CWH43: variants seen among roughly 807,000 people sequenced by gnomAD.
CWH43 encodes the protein cell wall biogenesis 43 C-terminal homolog, also known as PGAP2-interacting protein.
A neutral mutation model predicts 85.7 loss-of-function variants in CWH43; 91 were observed. The ratio of observed to expected loss-of-function variants is 1.06; its 90% CI spans 0.90 to 1.26. CWH43 has a LOEUF of 1.26. CWH43 is among the 50% of genes most tolerant of loss of function. The pLI is 0.00. For synonymous variants in CWH43, 323 were observed against 293.6 expected, an observed-to-expected ratio of 1.10 and a Z score of -1.02; for missense variants, 869 against 839.2, an observed-to-expected ratio of 1.04 and a Z score of -0.44.
At chr4:49,007,068 T>C in intron 7 of CWH43, 133 bp from the exon 8 acceptor site, 1 of 1,021,894 alleles carries the variant, frequency 9.8e-7, no homozygotes, top group Non-Finnish European at 1.3e-6. Context: ...ATTGTTTAGG[T>C]TCTGAGATAA....
chr4:49,058,292 A>G (rs570530106), intron 15 of CWH43, among the ~76,000 whole-genome samples: 2 of 152,230 alleles, frequency 1.3e-5, no homozygotes, highest in South Asian at 2.1e-4. Flanking sequence ...TATGAGTCTT[A>G]CATAAAACAT....
At chr4:48,986,935 C>A in intron 1 of CWH43, 2 of 482,750 alleles carry the variant, frequency 4.1e-6, no homozygotes, top group Non-Finnish European at 5.4e-6. Context: ...GTGGGCTGGG[C>A]CCAGGACAAG....
At chr4:49,040,410 G>T (rs1409134751) in intron 13 of CWH43, among the ~76,000 whole-genome samples, 1 of 152,126 alleles carries the variant, frequency 6.6e-6, no homozygotes, top group Non-Finnish European at 1.5e-5. Flanking sequence ...AGCACCTGTC[G>T]TTTCCTGACT....
At chr4:49,036,021 A>T (rs184772150) in intron 12 of CWH43, among the ~76,000 whole-genome samples, 55 of 152,304 alleles carry the variant, frequency 3.6e-4, no homozygotes, top group African/African-American at 1.3e-3. Context: ...GACACTAGTT[A>T]ACAGTGGGGA....
At chr4:48,997,733 C>T (rs1202133057) in intron 5 of CWH43, among the ~76,000 whole-genome samples, 1 of 152,108 alleles carries the variant, frequency 6.6e-6, no homozygotes, top group Non-Finnish European at 1.5e-5. Context: ...GAATTCTCCT[C>T]TGCAAAATGG....
At chr4:49,027,614 G>A (rs1297358750) in intron 9 of CWH43, among the ~76,000 whole-genome samples, 1 of 152,074 alleles carries the variant, frequency 6.6e-6, no homozygotes, top group Non-Finnish European at 1.5e-5. Flanking sequence ...TTTTGATAAA[G>A]GCATGCAATG....
rs574265502 is a variant in CWH43, at chr4:48,993,797, C to T, written c.512-822C>T. ...GAGATGGAGTTTCACTCTTGTTGCC[C>T]GGGCTGGAGTGCAGTGTCACGATCT... is the stretch of plus-strand genomic sequence containing the variant. On this transcript the variant is annotated intron_variant, in intron 4 of 15. Transcript: ENST00000226432. Among the ~76,000 whole-genome samples the T allele has an allele frequency of 5.9e-4, 90 of 152,226 alleles. 1 individual carries two copies. The highest frequency in any genetic ancestry group is 1.8e-3 in the African/African-American group (74 of 41,534).
At chr4:49,006,574 C>T (rs914951990) in intron 7 of CWH43, among the ~76,000 whole-genome samples, 1 of 152,152 alleles carries the variant, frequency 6.6e-6, no homozygotes. Flanking sequence ...TCTTAATTTC[C>T]ATATGGCAGC....
chr4:49,033,361 A>T (rs1317018964), intron 12 of CWH43, among the ~76,000 whole-genome samples: 1 of 152,162 alleles, frequency 6.6e-6, no homozygotes, highest in Non-Finnish European at 1.5e-5. Flanking sequence ...TTAAGTGCCC[A>T]TATGGACTTG....
chr4:49,046,898 T>C (rs1002674854), intron 14 of CWH43, among the ~76,000 whole-genome samples: 1 of 152,146 alleles, frequency 6.6e-6, no homozygotes. Flanking sequence ...AGGGTTCTCC[T>C]GTTAGGACAG....
At chr4:49,009,073 C>G (rs1783262988) in intron 8 of CWH43, among the ~76,000 whole-genome samples, 1 of 152,148 alleles carries the variant, frequency 6.6e-6, no homozygotes, top group Non-Finnish European at 1.5e-5. Context: ...AGCAGTATGG[C>G]CATTTTCATG....
At chr4:49,043,359 A>C (rs1289745716) in intron 13 of CWH43, among the ~76,000 whole-genome samples, 1 of 152,166 alleles carries the variant, frequency 6.6e-6, no homozygotes, top group African/African-American at 2.4e-5. Context: ...TAAAAATGGC[A>C]TCCTAATAGG....
chr4:48,988,635 T>A lies in CWH43; in HGVS notation c.202T>A (p.Trp68Arg). ...TPFWKLVNKK[W>R]MLTLLRIITI... ...TTTCTGGAAATTGGTTAACAAGAAGTGGATGCTAACCCTGCTGAGGATAAT... is the reference window on the plus strand; with the variant it reads ...TTTCTGGAAATTGGTTAACAAGAAGAGGATGCTAACCCTGCTGAGGATAAT... Residue 68 changes from tryptophan (W) to arginine (R), a missense_variant, in exon 2 of 16, where the codon TGG becomes AGG. Transcript: ENST00000226432. 3 of 1,612,668 alleles carry A rather than the reference T, an allele frequency of 1.9e-6. 1 individual carries two copies. The highest frequency in any genetic ancestry group is 2.5e-6 in the Non-Finnish European group (3 of 1,179,128).
chr4:49,017,029 GA>G, intron 8 of CWH43: 2 of 760,630 alleles, frequency 2.6e-6, no homozygotes, highest in Non-Finnish European at 4.9e-6. Context: ...GCAGTTGGGG[GA>G]GAGCAAACCA....
At chr4:49,040,277 G>T (rs1256381860) in intron 13 of CWH43, among the ~76,000 whole-genome samples, 2 of 152,116 alleles carry the variant, frequency 1.3e-5, no homozygotes, top group African/African-American at 4.8e-5. Flanking sequence ...GGGGTGGCTG[G>T]GTCAAATGGT....
chr4:48,993,821 C>A (rs1782728608), intron 4 of CWH43, among the ~76,000 whole-genome samples: 1 of 152,188 alleles, frequency 6.6e-6, no homozygotes, highest in Non-Finnish European at 1.5e-5. Flanking sequence ...GTGTCACGAT[C>A]TCAGCGCACT....
Position 49,043,286 on chromosome 4 carries a change from G to A in CWH43, c.1804-1500G>A, listed in dbSNP as rs138817756. Reference sequence around the variant, plus strand: ...GTTGAAAATCAAATAAGAGAAACGCGTAAGTACATGGTCTATGAAGCACAA... The same window carrying A: ...GTTGAAAATCAAATAAGAGAAACGCATAAGTACATGGTCTATGAAGCACAA... On this transcript the variant is annotated intron_variant, in intron 13 of 15. Coordinates refer to ENST00000226432, the MANE Select transcript of CWH43 (RefSeq NM_025087.3). Among the ~76,000 whole-genome samples the A allele has an allele frequency of 1.7e-3, 262 of 152,256 alleles. 1 individual carries two copies. In the East Asian group the frequency reaches 0.02, roughly 12 times the overall value.
intron 4 of CWH43, among the ~76,000 whole-genome samples, chr4:48,993,882 G>A (rs1308988295): frequency 6.6e-6 from 1 of 151,844 alleles, no homozygotes; most frequent in Non-Finnish European, 1.5e-5. Context: ...AGCCTCCCGA[G>A]TAGCTGGGAT....
intron 6 of CWH43, among the ~76,000 whole-genome samples, chr4:48,999,235 T>C (rs1434843296): frequency 6.6e-6 from 1 of 152,224 alleles, no homozygotes; most frequent in Non-Finnish European, 1.5e-5. Flanking sequence ...TCCATCTGTG[T>C]TCCTGCAAAG....
Sources: gnomAD v4.1 joint callset for allele counts (sites outside exome capture counted in the v4.1 genomes callset) on GRCh38, gnomAD v4.1.1 for gene constraint, MANE v1.5 for transcripts, NCBI Gene and HGNC (gene_info 2026-07-23, HGNC 2026-07-21) for gene names.